The following CSMD2 variants were observed in gnomAD, a reference collection of about 807,000 sequenced individuals.
CSMD2 encodes CUB and Sushi multiple domains 2.
CSMD2 carries 130 observed loss-of-function variants against 398.5 expected under a neutral mutation model. That is an observed-to-expected ratio of 0.33 (90% CI 0.28 to 0.38). CSMD2 has a LOEUF of 0.38. Ranked by LOEUF, CSMD2 falls within the 10% of genes least tolerant of loss-of-function variation. The pLI is 1.00. For missense variants in CSMD2, 3,829 were observed against 4,764.9 expected (o/e 0.80, Z 5.78); for synonymous variants, 1,828 against 1,908.5 (o/e 0.96, Z 1.10).
At chr1:33,517,596 TA>T (rs1653880745) in intron 70 of CSMD2, among the ~76,000 whole-genome samples, 1 of 152,134 alleles carries the variant, frequency 6.6e-6, no homozygotes, top group Non-Finnish European at 1.5e-5. Context: ...AAGGAAAAAA[TA>T]AAGATTGGGC....
At chr1:34,131,741 CTT>C (rs1663370053) in intron 1 of CSMD2, among the ~76,000 whole-genome samples, 1 of 152,160 alleles carries the variant, frequency 6.6e-6, no homozygotes, top group Non-Finnish European at 1.5e-5. Context: ...AAATTTCCTT[CTT>C]GTTTTCAAAT....
chr1:33,682,378 C>A (rs1034512176), intron 25 of CSMD2, among the ~76,000 whole-genome samples: 3 of 152,184 alleles, frequency 2.0e-5, no homozygotes, highest in Admixed American at 2.0e-4. Context: ...CGCATTGGAA[C>A]CTCACATTTT....
chr1:33,936,448 G>A (rs781586819), intron 3 of CSMD2, among the ~76,000 whole-genome samples: 14 of 152,208 alleles, frequency 9.2e-5, no homozygotes, highest in African/African-American at 2.4e-4. Context: ...CTTTGGCCCC[G>A]CAGGTTCAGG....
At chr1:33,678,336 A>G (rs1249051824) in intron 25 of CSMD2, among the ~76,000 whole-genome samples, 2 of 151,442 alleles carry the variant, frequency 1.3e-5, no homozygotes, top group African/African-American at 4.8e-5. Flanking sequence ...AAAGAAAGAA[A>G]GACATGCAAA....
At chr1:33,748,885 A>G (rs551292508) in intron 13 of CSMD2, among the ~76,000 whole-genome samples, 13 of 152,260 alleles carry the variant, frequency 8.5e-5, no homozygotes, top group African/African-American at 3.1e-4. Flanking sequence ...TACAAAATTG[A>G]CCTTACATTA....
At chr1:33,910,903 T>TTAGC (rs1276264034) in intron 5 of CSMD2, among the ~76,000 whole-genome samples, 1 of 152,232 alleles carries the variant, frequency 6.6e-6, no homozygotes, top group Non-Finnish European at 1.5e-5. Flanking sequence ...GTAGCGTGAG[T>TTAGC]TAGCTGGAGG....
At chr1:34,114,846 A>T (rs1276083265) in intron 1 of CSMD2, among the ~76,000 whole-genome samples, 1 of 152,232 alleles carries the variant, frequency 6.6e-6, no homozygotes, top group African/African-American at 2.4e-5. Context: ...GACAAACTAA[A>T]TAAAATCAGG....
chr1:33,961,461 T>C (rs526699), intron 3 of CSMD2, among the ~76,000 whole-genome samples: 88,437 of 152,064 alleles, frequency 0.58, 27,269 homozygotes, highest in African/African-American at 0.8. Context: ...GAGGGAGTGG[T>C]AATGTCATGG....
At chr1:34,155,197 T>G (rs1417124772) in intron 1 of CSMD2, among the ~76,000 whole-genome samples, 1 of 152,182 alleles carries the variant, frequency 6.6e-6, no homozygotes, top group Non-Finnish European at 1.5e-5. Context: ...AGGGTAGGAT[T>G]AATTCAAATG....
intron 1 of CSMD2, among the ~76,000 whole-genome samples, chr1:34,144,694 T>G (rs1289571168): frequency 6.6e-6 from 1 of 152,212 alleles, no homozygotes; most frequent in Non-Finnish European, 1.5e-5. Flanking sequence ...CCTCTTGTGT[T>G]TTTTAGGCAG....
At chr1:34,123,656 A>T (rs1662443949) in intron 1 of CSMD2, among the ~76,000 whole-genome samples, 1 of 152,122 alleles carries the variant, frequency 6.6e-6, no homozygotes, top group Admixed American at 6.6e-5. Context: ...TGACTCTATC[A>T]TCAGGTAGAT....
intron 1 of CSMD2, among the ~76,000 whole-genome samples, chr1:34,144,074 C>T (rs1447660800): frequency 6.6e-6 from 1 of 152,014 alleles, no homozygotes; most frequent in African/African-American, 2.4e-5. Flanking sequence ...TGATCAATGT[C>T]TTAGTCAACA....
intron 55 of CSMD2, among the ~76,000 whole-genome samples, chr1:33,552,842 T>C (rs908079292): frequency 5.3e-5 from 8 of 152,146 alleles, no homozygotes; most frequent in African/African-American, 1.9e-4. Context: ...GTTCTGGAAT[T>C]AGACAGTGAT....
chr1:33,746,790 T>C (rs1647443756), intron 13 of CSMD2, among the ~76,000 whole-genome samples: 1 of 152,148 alleles, frequency 6.6e-6, no homozygotes, highest in Admixed American at 6.5e-5. Flanking sequence ...TACCTAATGG[T>C]TGAAACCATT....
Position 33,681,053 on chromosome 1 carries a change from T to C in CSMD2, c.4052+11877A>G, listed in dbSNP as rs976977804. 3.4e-5 allele frequency among the ~76,000 whole-genome samples: 5 copies of C among 147,024 alleles called. No homozygotes were observed. The Admixed American group carries it at 3.5e-4, about 10-fold the overall frequency. Reference sequence around the variant, plus strand: ...GATTCTCATGCCTCAGCCTCCTGAATAGCTGGGACTACAGGTGCATGCCAC... The same window carrying C: ...GATTCTCATGCCTCAGCCTCCTGAACAGCTGGGACTACAGGTGCATGCCAC... On this transcript the variant is annotated intron_variant, in intron 25 of 70. Transcript: ENST00000373381.
chr1:33,652,772 G>A (rs771715427), intron 27 of CSMD2, among the ~76,000 whole-genome samples: 7 of 152,102 alleles, frequency 4.6e-5, no homozygotes, highest in Admixed American at 1.3e-4. Context: ...TTTTTGAGAC[G>A]GAGTCTCGCT....
Position 33,739,169 on chromosome 1 carries a change from A to T in CSMD2, c.2339T>A (p.Val780Asp), listed in dbSNP as rs761713634. 2 of 1,613,954 alleles carry T rather than the reference A, an allele frequency of 1.2e-6. No homozygotes were observed. The highest frequency in any genetic ancestry group is 1.7e-6 in the Non-Finnish European group (2 of 1,179,954). ...ITCVLKEGSV[V>D]WNSAVLRCEA... ...ACACCGCAGCACAGCGCTGTTCCAG[A>T]CCACGCTGCCCTCCTTCAGGACGCA... Residue 780 changes from valine to aspartate, a missense_variant, in exon 15 of 71, where the codon GTC becomes GAC. By Grantham distance (152) the Val-to-Asp change is radical. This residue lies in a region of CSMD2 where 2,001 missense variants were observed against 2,567.1 expected (regional missense o/e 0.78). Coordinates refer to ENST00000373381, the MANE Select transcript of CSMD2 (RefSeq NM_001281956.2).
intron 57 of CSMD2, among the ~76,000 whole-genome samples, chr1:33,544,102 CTTTTTTT>C (rs57678063): frequency 3.4e-5 from 3 of 89,368 alleles, no homozygotes; most frequent in Non-Finnish European, 6.4e-5. Context: ...CCATATTTGT[CTTTTTTT>C]TTTTTTTTTT....
intron 66 of CSMD2, among the ~76,000 whole-genome samples, chr1:33,524,333 G>C (rs971570878): frequency 6.6e-6 from 1 of 152,126 alleles, no homozygotes; most frequent in Non-Finnish European, 1.5e-5. Context: ...ATCTTCTTAT[G>C]ATAAAAATTG....
Sources: gnomAD v4.1 joint callset for allele counts (sites outside exome capture counted in the v4.1 genomes callset) on GRCh38, gnomAD v4.1.1 for gene constraint, gnomAD v4.1.1 regional missense constraint, MANE v1.5 for transcripts, NCBI Gene and HGNC (gene_info 2026-07-23, HGNC 2026-07-21) for gene names.